The following SLC4A9 variants were observed in gnomAD, a reference collection of about 807,000 sequenced individuals.
SLC4A9 encodes the protein solute carrier family 4 member 9.
A neutral mutation model predicts 103.2 loss-of-function variants in SLC4A9; 102 were observed. That is an observed-to-expected ratio of 0.99 (90% CI 0.84 to 1.17). SLC4A9 has a LOEUF of 1.17. SLC4A9 is among the 50% of genes most tolerant of loss of function. The probability of loss-of-function intolerance (pLI) is 0.00; values close to 1 mark genes in which losing one functional copy is unlikely to be tolerated. For synonymous variants in SLC4A9, 453 were observed against 483.6 expected (o/e 0.94, Z 0.83); for missense variants, 1,091 against 1,193.7 (o/e 0.91, Z 1.27).
chr5:140,374,314 C>T (rs1445616018), intron 21 of SLC4A9, among the ~76,000 whole-genome samples: 2 of 152,014 alleles, frequency 1.3e-5, no homozygotes, highest in Non-Finnish European at 2.9e-5. Flanking sequence ...AATCCCAGCA[C>T]TTTGGGAGGC....
At chr5:140,373,342 C>T (rs1319449297) in intron 21 of SLC4A9, among the ~76,000 whole-genome samples, 2 of 152,150 alleles carry the variant, frequency 1.3e-5, no homozygotes, top group Non-Finnish European at 2.9e-5. Context: ...TATCTTGGTA[C>T]TAGAGATACA....
chr5:140,374,444 C>T (rs1160490828), intron 21 of SLC4A9, among the ~76,000 whole-genome samples: 4 of 148,674 alleles, frequency 2.7e-5, no homozygotes, highest in Non-Finnish European at 5.9e-5. Flanking sequence ...CCTGTAATCC[C>T]AGCTACTGGA....
At chr5:140,365,781 C>T (rs780881087) in intron 12 of SLC4A9, 53 bp from the exon 13 acceptor site, 55 of 1,567,146 alleles carry the variant, frequency 3.5e-5, no homozygotes, top group Non-Finnish European at 4.5e-5. Flanking sequence ...TCCAGGAGAG[C>T]AGGACATTTA....
intron 17 of SLC4A9, among the ~76,000 whole-genome samples, chr5:140,369,021 TG>T (rs1171242677): frequency 6.6e-6 from 1 of 152,168 alleles, no homozygotes; most frequent in African/African-American, 2.4e-5. Flanking sequence ...CCAACAAACC[TG>T]AGACTAAGAG....
At position 140,363,316 on chromosome 5, in the gene SLC4A9, G is replaced by A; in HGVS notation, c.963-123G>A. On this transcript the variant is annotated intron_variant, in intron 7 of 21. Coordinates refer to ENST00000506757, the MANE Select transcript of SLC4A9 (RefSeq NM_031467.3). The surrounding 1 kb of genome is among the most constrained non-coding windows in gnomAD (Gnocchi z 4.5). The stretch of plus-strand genomic sequence containing the variant: ...TGGACCTTCTAGAGGCCCAGGTGTC[G>A]CCATGGTTCCCTCGCCGGCAGAGAC... 2.0e-6 allele frequency: 2 copies of A among 1,007,032 alleles called. No individual in the cohort carries two copies. Among genetic ancestry groups the A allele is most frequent in the Non-Finnish European group, 2.9e-6 (2 of 685,670 alleles). 62.4% of individuals were successfully genotyped at this position (1,007,032 alleles called of 1,614,324 possible). A position where few individuals can be genotyped will look rare whatever the true frequency, so the allele number is the denominator to read the frequency against.
intron 17 of SLC4A9, among the ~76,000 whole-genome samples, chr5:140,370,473 A>C (rs938615273): frequency 6.6e-6 from 1 of 152,034 alleles, no homozygotes; most frequent in South Asian, 2.1e-4. Context: ...TCAAAAAAAA[A>C]AAAACAAAAA....
chr5:140,364,529 G>T lies in SLC4A9; in HGVS notation c.1555G>T (p.Ala519Ser). ...CATCAGCCTCATCTTCATCTACGAT[G>T]CTGTGGGCAAAATGCTGAACTTGAC... The part of the protein sequence containing the change: ...ALISLIFIYD[A>S]VGKMLNLTHT... Residue 519 changes from alanine to serine, a missense_variant, in exon 11 of 22, where the codon GCT becomes TCT. By Grantham distance (99) the Ala-to-Ser change is moderately conservative. Coordinates refer to ENST00000506757, the MANE Select transcript of SLC4A9 (RefSeq NM_031467.3). 1 of 1,610,140 alleles carries T rather than the reference G, an allele frequency of 6.2e-7. No individual in the cohort carries two copies. Among genetic ancestry groups the T allele is most frequent in the Non-Finnish European group, 8.5e-7 (1 of 1,178,052 alleles).
In SLC4A9 at chr5:140,362,930, C is replaced by G; in HGVS notation, c.826C>G (p.Arg276Gly). 6.2e-7 allele frequency: 1 copy of G among 1,613,924 alleles called. No individual in the cohort carries two copies. The highest frequency in any genetic ancestry group is 2.2e-5 in the East Asian group (1 of 44,868). The stretch of plus-strand genomic sequence containing the variant: ...TTCCCAGCAATTCCAGTGGTCAGTT[C>G]GTCGGGCCAGCAACCTTCATGACCT... The part of the protein sequence containing the change: ...LSDPQFQWSV[R>G]RASNLHDLLA... Residue 276 changes from arginine to glycine, a missense_variant, in exon 7 of 22, where the codon CGT becomes GGT. Transcript: ENST00000506757.
At chr5:140,369,340 C>A (rs1376462817) in intron 17 of SLC4A9, among the ~76,000 whole-genome samples, 2 of 151,538 alleles carry the variant, frequency 1.3e-5, no homozygotes, top group Non-Finnish European at 2.9e-5. Context: ...AGGCAAAAAG[C>A]CTTCACTTCT....
intron 11 of SLC4A9, 77 bp from the exon 12 acceptor site, chr5:140,365,443 T>A (rs1767735660): frequency 7.7e-7 from 1 of 1,302,238 alleles, no homozygotes; most frequent in Non-Finnish European, 1.1e-6. Context: ...CCTGGACCCA[T>A]CAGATAAGAA....
chr5:140,371,419 G>A, intron 18 of SLC4A9, 32 bp from the exon 19 acceptor site: 1 of 1,612,956 alleles, frequency 6.2e-7, no homozygotes, highest in Non-Finnish European at 8.5e-7. Context: ...CTACCTGAGT[G>A]CCCTGCTTTC....
chr5:140,368,609 G>T lies in SLC4A9; in HGVS notation c.2377G>T (p.Val793Leu), dbSNP rs766834935. 11 of 1,613,360 alleles carry T rather than the reference G, an allele frequency of 6.8e-6. No individual in the cohort carries two copies. The Admixed American group carries it at 1.7e-4, about 24-fold the overall frequency. Residue 793 changes from valine to leucine, a missense_variant, in exon 17 of 22, where the codon GTG (valine) becomes TTG (leucine). Physicochemically the swap from Val to Leu is conservative, Grantham distance 32. Transcript: ENST00000506757. ...GIREQRLTGL[V>L]VFILTGASIF... is the part of the protein sequence containing the mutation. Reference sequence around the variant, plus strand: ...CAGGGAACAGAGGCTGACAGGCCTGGTGGTGTTCATCCTTACAGGAGCCTC... The same window carrying T: ...CAGGGAACAGAGGCTGACAGGCCTGTTGGTGTTCATCCTTACAGGAGCCTC...
In SLC4A9 at chr5:140,372,257, G is replaced by A; in HGVS notation, c.2686G>A (p.Gly896Arg). 2 of 1,567,168 alleles carry A rather than the reference G, an allele frequency of 1.3e-6. No homozygotes were observed. The highest frequency in any genetic ancestry group is 2.2e-5 in the Admixed American group (1 of 46,036). ...IFPLMLLGLV[G>R]VRKALERVFS... Reference sequence around the variant, plus strand: ...ATTCCTGCAGTTGCTGGGCCTTGTGGGGGTCCGAAAGGCCCTGGAGAGGGT... The same window carrying A: ...ATTCCTGCAGTTGCTGGGCCTTGTGAGGGTCCGAAAGGCCCTGGAGAGGGT... The change falls in exon 20 of 22, where the codon GGG becomes AGG. Residue 896 changes from glycine (G) to arginine (R), a missense_variant. Transcript: ENST00000506757.
Position 140,362,474 on chromosome 5 carries a change from T to A in SLC4A9, c.749T>A (p.Met250Lys), listed in dbSNP as rs1309023997. 3 of 1,614,048 alleles carry A rather than the reference T, an allele frequency of 1.9e-6. No individual in the cohort carries two copies. The Admixed American group carries it at 5.0e-5, about 27-fold the overall frequency. Residue 250 changes from methionine to lysine, a missense_variant, in exon 6 of 22, where the codon ATG becomes AAG. Met to Lys is a moderately conservative substitution (Grantham distance 95, BLOSUM62 -1). Coordinates refer to ENST00000506757, the MANE Select transcript of SLC4A9 (RefSeq NM_031467.3). Reference protein sequence around the residue: ...RFFCLLLGPCMLGKGYHEMGR... With the variant: ...RFFCLLLGPCKLGKGYHEMGR... Reference sequence around the variant, plus strand: ...TTCTGCCTTCTCCTGGGCCCCTGTATGCTGGGAAAGGGCTACCATGAGATG... The same window carrying A: ...TTCTGCCTTCTCCTGGGCCCCTGTAAGCTGGGAAAGGGCTACCATGAGATG...
Position 140,372,323 on chromosome 5 carries a change from C to T in SLC4A9, c.2752C>T (p.Pro918Ser), listed in dbSNP as rs768376667. ...QELLWLDELM[P>S]EEERSIPEKG... ...ACTCCTCTGGCTGGATGAGCTGATGCCAGAGGAGGAGAGAAGCATCCCTGA... is the reference window on the plus strand; with the variant it reads ...ACTCCTCTGGCTGGATGAGCTGATGTCAGAGGAGGAGAGAAGCATCCCTGA... Residue 918 changes from proline (P) to serine (S), a missense_variant, in exon 20 of 22, where the codon CCA (proline) becomes TCA (serine). Physicochemically the swap from Pro to Ser is moderately conservative, Grantham distance 74. Coordinates refer to ENST00000506757, the MANE Select transcript of SLC4A9 (RefSeq NM_031467.3). The T allele has an allele frequency of 6.2e-7, 1 of 1,609,728 alleles. No homozygotes were observed. The highest frequency in any genetic ancestry group is 1.3e-5 in the African/African-American group (1 of 74,674).
Position 140,367,726 on chromosome 5 carries a change from G to T in SLC4A9, c.2182G>T (p.Ala728Ser), listed in dbSNP as rs752837942. The T allele has an allele frequency of 1.2e-6, 2 of 1,613,950 alleles. No individual in the cohort carries two copies. The highest frequency in any genetic ancestry group is 1.7e-6 in the Non-Finnish European group (2 of 1,179,844). The change falls in exon 16 of 22, where the codon GCT becomes TCT. Residue 728 changes from alanine to serine, a missense_variant. Transcript: ENST00000506757. The part of the protein sequence containing the change: ...NRMEYRLQKG[A>S]GFHLDLFCVA... ...CCCCCACCACTACCTGCAGAAGGGA[G>T]CTGGCTTCCACCTGGACCTCTTCTG...
Position 140,372,308 on chromosome 5 carries a change from C to T in SLC4A9, c.2737C>T (p.Leu913=). 6.2e-7 allele frequency: 1 copy of T among 1,608,838 alleles called. No homozygotes were observed. The part of the protein sequence containing the change: ...RVFSPQELLW[L]DELMPEEERS... ...CTTCTCACCACAGGAACTCCTCTGG[C>T]TGGATGAGCTGATGCCAGAGGAGGA... The change falls in exon 20 of 22, where the codon CTG becomes TTG. Residue 913 remains leucine (L), a synonymous_variant. Coordinates refer to ENST00000506757, the MANE Select transcript of SLC4A9 (RefSeq NM_031467.3).
rs77748389 is a variant in SLC4A9, at chr5:140,370,512, G to A, written c.2428-583G>A. On this transcript the variant is annotated intron_variant, in intron 17 of 21. Coordinates refer to ENST00000506757, the MANE Select transcript of SLC4A9 (RefSeq NM_031467.3). ...AAAAACAAATTAAAACAAGAGAATA[G>A]GATAACTTTAGATAGTGATAACTTC... Among the ~76,000 whole-genome samples, 346 of 151,830 alleles carry A rather than the reference G, an allele frequency of 2.3e-3. 1 individual carries two copies. The highest frequency in any genetic ancestry group is 6.6e-3 in the African/African-American group (274 of 41,414).
In SLC4A9 at chr5:140,363,725, G is replaced by A. The variant is rs762981987; in HGVS notation, c.1080-3G>A. On this transcript the variant is annotated splice_region_variant and splice_polypyrimidine_tract_variant and intron_variant, in intron 8 of 21. Transcript: ENST00000506757. This position sits in a 1 kb window ranked among gnomAD's most constrained non-coding sequence, Gnocchi z 4.5. ...TGGATCACTGACGACCCTCGGGCGG[G>A]AGGCTGTTTGGGGGCCTTATCCAGG... The A allele has an allele frequency of 3.7e-6, 6 of 1,613,552 alleles. No individual in the cohort carries two copies. The highest frequency in any genetic ancestry group is 4.2e-6 in the Non-Finnish European group (5 of 1,179,724).
Sources: allele counts gnomAD v4.1 joint callset (sites outside exome capture counted in the v4.1 genomes callset), GRCh38; gene constraint gnomAD v4.1.1; non-coding constraint Gnocchi (gnomAD v3.1); transcripts MANE v1.5; gene names NCBI Gene and HGNC (gene_info 2026-07-23, HGNC 2026-07-21).